PCDHA7: variants seen among roughly 807,000 people sequenced by gnomAD.
PCDHA7 encodes the protein protocadherin alpha 7, also known as protocadherin alpha-7.
Under a neutral mutation model 57.2 loss-of-function variants are expected in PCDHA7, and 37 were observed. The ratio of observed to expected loss-of-function variants is 0.65; its 90% confidence interval spans 0.50 to 0.85. The LOEUF (loss-of-function observed/expected upper bound fraction) is 0.85, where lower values mean the gene tolerates loss of function less well. Ranked by LOEUF, PCDHA7 falls within the 40% of genes least tolerant of loss-of-function variation. PCDHA7 has a pLI of 0.00. For synonymous variants in PCDHA7, 553 were observed against 558.8 expected, an observed-to-expected ratio of 0.99 and a Z score of 0.15; for missense variants, 1,188 against 1,241.8, an observed-to-expected ratio of 0.96 and a Z score of 0.65.
chr5:140,892,158 T>A (rs1442080527), intron 1 of PCDHA7, among the ~76,000 whole-genome samples: 2 of 152,242 alleles, frequency 1.3e-5, no homozygotes, highest in Non-Finnish European at 2.9e-5. Context: ...ATTTCTGATA[T>A]GTCCAGTAAC....
intron 1 of PCDHA7, among the ~76,000 whole-genome samples, chr5:140,894,069 T>C (rs1209752630): frequency 2.6e-5 from 4 of 152,196 alleles, no homozygotes; most frequent in African/African-American, 9.6e-5. Flanking sequence ...TTTAAATACA[T>C]TTATTTTATT....
At chr5:140,907,377 C>T (rs2073348359) in intron 1 of PCDHA7, among the ~76,000 whole-genome samples, 1 of 152,124 alleles carries the variant, frequency 6.6e-6, no homozygotes, top group Non-Finnish European at 1.5e-5. Context: ...AAAGTGAGTG[C>T]CTTGGTCAAA....
chr5:140,946,936 A>T (rs1344601116), intron 1 of PCDHA7, among the ~76,000 whole-genome samples: 1 of 151,482 alleles, frequency 6.6e-6, no homozygotes, highest in Non-Finnish European at 1.5e-5. Context: ...AGTAGAGTGT[A>T]GTTAAGAATA....
chr5:140,838,683 C>T (rs1775834652), intron 1 of PCDHA7, among the ~76,000 whole-genome samples: 2 of 151,884 alleles, frequency 1.3e-5, no homozygotes, highest in Admixed American at 1.3e-4. Flanking sequence ...CACCTTTAAC[C>T]CCAACATTTC....
intron 1 of PCDHA7, among the ~76,000 whole-genome samples, chr5:140,894,494 T>C (rs1412845995): frequency 6.6e-6 from 1 of 151,992 alleles, no homozygotes; most frequent in Non-Finnish European, 1.5e-5. Flanking sequence ...TAGTTTTCTT[T>C]AGGCATTATC....
chr5:140,905,632 G>A lies in PCDHA7; in HGVS notation c.2355+68894G>A, dbSNP rs146826869. 9.9e-4 allele frequency among the ~76,000 whole-genome samples: 150 copies of A among 152,224 alleles called. 1 individual carries two copies. Among genetic ancestry groups the A allele is most frequent in the African/African-American group, 3.4e-3 (141 of 41,546 alleles). ...TCTATAGATTGCTTTTGACAGTATG[G>A]TCAGTTTCACAGTATTGATTCCTGT... On this transcript the variant is annotated intron_variant, in intron 1 of 3. Transcript: ENST00000525929.
chr5:140,912,101 A>G (rs781989328), intron 1 of PCDHA7, among the ~76,000 whole-genome samples: 2 of 152,194 alleles, frequency 1.3e-5, no homozygotes, highest in Non-Finnish European at 2.9e-5. Context: ...CAGGAGAAAG[A>G]TGTAGGCTGG....
chr5:140,875,741 T>A lies in PCDHA7; in HGVS notation c.2355+39003T>A, dbSNP rs781967971. On this transcript the variant is annotated intron_variant, in intron 1 of 3. Transcript: ENST00000525929. ...GGCATTTTGTTTGTGAATTCTCGGA[T>A]CGACCGCGAGAAGCTGTGCGGGCGG... 1.7e-5 allele frequency: 28 copies of A among 1,614,216 alleles called. No individual in the cohort carries two copies. Among genetic ancestry groups the A allele is most frequent in the Non-Finnish European group, 2.2e-5 (26 of 1,180,032 alleles).
chr5:140,903,962 G>C (rs548680386), intron 1 of PCDHA7, among the ~76,000 whole-genome samples: 21 of 152,226 alleles, frequency 1.4e-4, no homozygotes. Flanking sequence ...ATTATTTGTT[G>C]ATTTTTGGTC....
rs1311377754 is a variant in PCDHA7 at position 140,847,747 on chromosome 5, G to C, written c.2355+11009G>C. 1.3e-5 allele frequency: 2 copies of C among 149,564 alleles called. 1 individual carries two copies. The highest frequency in any genetic ancestry group is 3.0e-5 in the Non-Finnish European group (2 of 66,834). 9.3% of individuals were successfully genotyped at this position (149,564 alleles called of 1,614,324 possible). ...AGAGAAAAATATATTTTCTCCCCAC[G>C]CAACACAAGACCTTAAAGTCAATTC... On this transcript the variant is annotated intron_variant, in intron 1 of 3. Coordinates refer to ENST00000525929, the MANE Select transcript of PCDHA7 (RefSeq NM_018910.3).
At position 140,875,743 on chromosome 5, in the gene PCDHA7, G is replaced by T. The variant is rs782705899; in HGVS notation, c.2355+39005G>T. ...CATTTTGTTTGTGAATTCTCGGATCGACCGCGAGAAGCTGTGCGGGCGGAG... is the reference window on the plus strand; with the variant it reads ...CATTTTGTTTGTGAATTCTCGGATCTACCGCGAGAAGCTGTGCGGGCGGAG... On this transcript the variant is annotated intron_variant, in intron 1 of 3. Coordinates refer to ENST00000525929, the MANE Select transcript of PCDHA7 (RefSeq NM_018910.3). 1.8e-5 allele frequency: 29 copies of T among 1,614,226 alleles called. No individual in the cohort carries two copies. The highest frequency in any genetic ancestry group is 2.2e-5 in the Non-Finnish European group (26 of 1,180,038).
At chr5:140,929,148 G>A in intron 1 of PCDHA7, 1 of 1,614,190 alleles carries the variant, frequency 6.2e-7, no homozygotes, top group Middle Eastern at 1.6e-4. Flanking sequence ...GACTTTCTCA[G>A]ACTTATCTCT....
intron 1 of PCDHA7, chr5:140,967,680 G>C (rs1554229771): frequency 6.2e-7 from 1 of 1,614,228 alleles, no homozygotes; most frequent in South Asian, 1.1e-5. Context: ...GACCGGGAGA[G>C]GCAGCTCTTC....
rs149265547 is a variant in PCDHA7 at position 140,927,771 on chromosome 5, G to T, written c.2356-51178G>T. On this transcript the variant is annotated intron_variant, in intron 1 of 3. Coordinates refer to ENST00000525929, the MANE Select transcript of PCDHA7 (RefSeq NM_018910.3). Reference sequence around the variant, plus strand: ...ACGTGCACCCTAAAAGTGGGGAGGTGCAAGTAGCTGCTTCACTAGGTCCGC... The same window carrying T: ...ACGTGCACCCTAAAAGTGGGGAGGTTCAAGTAGCTGCTTCACTAGGTCCGC... The T allele has an allele frequency of 4.2e-4, 677 of 1,614,210 alleles. 4 individuals carry two copies. In the African/African-American group the frequency reaches 7.5e-3, roughly 18 times the overall value.
rs186269491 is a variant in PCDHA7, at chr5:140,841,020, C to A, written c.2355+4282C>A. Among the ~76,000 whole-genome samples, 45 of 152,032 alleles carry A rather than the reference C, an allele frequency of 3.0e-4. 2 individuals carry two copies. The highest frequency in any genetic ancestry group is 9.9e-4 in the African/African-American group (41 of 41,434). On this transcript the variant is annotated intron_variant, in intron 1 of 3. Coordinates refer to ENST00000525929, the MANE Select transcript of PCDHA7 (RefSeq NM_018910.3). ...TGTAAGGAGCCAGACAGTATGAATG[C>A]CTCTGCAATTGATAAAGTTAAGGAT...
At position 140,836,158 on chromosome 5, in the gene PCDHA7, C is replaced by T; in HGVS notation, c.1775C>T (p.Ala592Val). 2 of 1,613,784 alleles carry T rather than the reference C, an allele frequency of 1.2e-6. No homozygotes were observed. Among genetic ancestry groups the T allele is most frequent in the Non-Finnish European group, 1.7e-6 (2 of 1,179,788 alleles). The change falls in exon 1 of 4, where the codon GCG becomes GTG. Residue 592 changes from alanine (A) to valine (V), a missense_variant. Ala to Val is a moderately conservative substitution (Grantham distance 64). Coordinates refer to ENST00000525929, the MANE Select transcript of PCDHA7 (RefSeq NM_018910.3). ...TCTGTGGGCGCGGGCCATGTGGTGG[C>T]GAAGGTACGTGCAGTTGACGCTGAC... is the stretch of plus-strand genomic sequence containing the variant. ...PRSVGAGHVV[A>V]KVRAVDADSG...
intron 1 of PCDHA7, among the ~76,000 whole-genome samples, chr5:140,933,649 T>G (rs1259214104): frequency 6.6e-6 from 1 of 152,058 alleles, no homozygotes; most frequent in Non-Finnish European, 1.5e-5. Flanking sequence ...AAGTTGGAAA[T>G]CCTGTCTCTC....
chr5:140,869,896 A>T (rs781921753), intron 1 of PCDHA7: 7 of 1,610,768 alleles, frequency 4.3e-6, no homozygotes, highest in Non-Finnish European at 4.2e-6. Context: ...GCTCAAACTA[A>T]ACGCCACAGA....
intron 1 of PCDHA7, chr5:140,850,000 G>T: frequency 3.1e-6 from 5 of 1,597,068 alleles, no homozygotes; most frequent in Non-Finnish European, 3.4e-6. Context: ...TTGGGCGAGC[G>T]CTCGCTGTCG....
Sources: gnomAD v4.1 joint callset for allele counts (sites outside exome capture counted in the v4.1 genomes callset) on GRCh38, gnomAD v4.1.1 for gene constraint, MANE v1.5 for transcripts, NCBI Gene and HGNC (gene_info 2026-07-23, HGNC 2026-07-21) for gene names.